Variants in PCDH9 observed in about 807,000 individuals in gnomAD.
PCDH9 encodes the protein protocadherin 9.
Under a neutral mutation model 70.6 loss-of-function variants are expected in PCDH9, and 24 were observed. The observed-to-expected ratio is 0.34, with a 90% CI of 0.25 to 0.48. The LOEUF is 0.48. PCDH9 is among the 20% of genes least tolerant of loss of function. The pLI is 0.99. For missense variants in PCDH9, 1,281 were observed against 1,503.6 expected (o/e 0.85, Z 2.45); for synonymous variants, 562 against 558.5 (o/e 1.01, Z -0.09).
intron 4 of PCDH9, among the ~76,000 whole-genome samples, chr13:66,544,605 A>T (rs543549945): frequency 2.0e-5 from 3 of 152,296 alleles, no homozygotes; most frequent in Admixed American, 2.0e-4. Flanking sequence ...ACCTATGGGC[A>T]GTAGACAACT....
chr13:66,344,229 G>A (rs557722848), intron 4 of PCDH9, among the ~76,000 whole-genome samples: 4 of 152,062 alleles, frequency 2.6e-5, no homozygotes, highest in Admixed American at 1.3e-4. Flanking sequence ...TGCAACCTCC[G>A]CCTCCCAGGT....
intron 4 of PCDH9, among the ~76,000 whole-genome samples, chr13:66,390,802 A>G (rs1286328767): frequency 6.6e-6 from 1 of 152,046 alleles, no homozygotes; most frequent in East Asian, 1.9e-4. Flanking sequence ...TGGCTATCAC[A>G]TGCTAGGAAA....
At chr13:66,425,099 A>C (rs1014778452) in intron 4 of PCDH9, among the ~76,000 whole-genome samples, 26 of 151,900 alleles carry the variant, frequency 1.7e-4, no homozygotes, top group Non-Finnish European at 2.4e-4. Context: ...AAATTATATT[A>C]TGTTCATCAT....
intron 3 of PCDH9, among the ~76,000 whole-genome samples, chr13:66,851,595 A>G (rs1459330773): frequency 1.3e-5 from 2 of 151,790 alleles, no homozygotes; most frequent in African/African-American, 4.8e-5. Context: ...ACACACACAC[A>G]CACACACACA....
intron 2 of PCDH9, chr13:67,204,810 C>G (rs1313508580): frequency 6.6e-6 from 1 of 152,118 alleles, no homozygotes; most frequent in Admixed American, 6.6e-5. Flanking sequence ...CAACACATCA[C>G]GTTAGGCCAC....
intron 2 of PCDH9, among the ~76,000 whole-genome samples, chr13:66,978,198 G>C (rs1362344188): frequency 6.6e-6 from 1 of 152,072 alleles, no homozygotes. Context: ...TGTTGTTGCT[G>C]TTATTGTTGC....
chr13:66,906,058 A>G (rs369020520), intron 2 of PCDH9, among the ~76,000 whole-genome samples: 1 of 152,178 alleles, frequency 6.6e-6, no homozygotes, highest in Non-Finnish European at 1.5e-5. Context: ...ATGGCATTTA[A>G]TATCTGTAAT....
At chr13:67,082,911 C>A in intron 2 of PCDH9, among the ~76,000 whole-genome samples, 1 of 152,054 alleles carries the variant, frequency 6.6e-6, no homozygotes. Context: ...GAAACTTTAT[C>A]TTTTCTGACA....
intron 2 of PCDH9, among the ~76,000 whole-genome samples, chr13:67,190,323 A>G (rs1030875532): frequency 6.6e-6 from 1 of 152,054 alleles, no homozygotes; most frequent in African/African-American, 2.4e-5. Flanking sequence ...AATTGTGAAC[A>G]GAATATCAAT....
At chr13:67,026,103 C>T (rs1180997945) in intron 2 of PCDH9, among the ~76,000 whole-genome samples, 1 of 152,068 alleles carries the variant, frequency 6.6e-6, no homozygotes, top group Non-Finnish European at 1.5e-5. Flanking sequence ...TTGAGATAAT[C>T]ATGTGGTTTT....
chr13:66,829,768 A>C (rs2080893627), intron 3 of PCDH9, among the ~76,000 whole-genome samples: 1 of 147,794 alleles, frequency 6.8e-6, no homozygotes, highest in Non-Finnish European at 1.5e-5. Context: ...ATATTGAAAA[A>C]CTATAGATTT....
chr13:66,628,608 C>T (rs991974140), intron 4 of PCDH9, among the ~76,000 whole-genome samples: 1 of 152,178 alleles, frequency 6.6e-6, no homozygotes, highest in African/African-American at 2.4e-5. Flanking sequence ...TCAAGTGAAC[C>T]TCTTGCCTTA....
chr13:66,350,723 G>A (rs761211584), intron 4 of PCDH9, among the ~76,000 whole-genome samples: 2 of 152,058 alleles, frequency 1.3e-5, no homozygotes, highest in Non-Finnish European at 2.9e-5. Context: ...TCCACTCCTA[G>A]CACCCTTGTC....
chr13:67,072,434 A>C (rs2085785680), intron 2 of PCDH9, among the ~76,000 whole-genome samples: 1 of 152,112 alleles, frequency 6.6e-6, no homozygotes, highest in African/African-American at 2.4e-5. Flanking sequence ...ACACTTCCGC[A>C]TGACTATCCT....
At chr13:67,096,724 T>G (rs906062387) in intron 2 of PCDH9, among the ~76,000 whole-genome samples, 1 of 152,194 alleles carries the variant, frequency 6.6e-6, no homozygotes, top group Non-Finnish European at 1.5e-5. Flanking sequence ...TTCTTTCTCT[T>G]TTCATAGTAA....
rs190909415 is a variant in PCDH9, at chr13:66,728,931, A to G, written c.3139-97520T>C. ...TTTTGCCAGATTTTTATTCTTTCAC[A>G]TAGTTTCTGTCCATGGTGTTTTTTT... On this transcript the variant is annotated intron_variant, in intron 3 of 4. Coordinates refer to ENST00000377865, the MANE Select transcript of PCDH9 (RefSeq NM_203487.3). Among the ~76,000 whole-genome samples the G allele has an allele frequency of 3.3e-5, 5 of 152,010 alleles. No individual in the cohort carries two copies. The East Asian group carries it at 9.7e-4, about 29-fold the overall frequency.
At chr13:67,198,001 A>G (rs1259962714) in intron 2 of PCDH9, among the ~76,000 whole-genome samples, 1 of 151,554 alleles carries the variant, frequency 6.6e-6, no homozygotes, top group African/African-American at 2.4e-5. Context: ...TGTTTTTGAT[A>G]TTTTAAAAAT....
At chr13:67,192,467 C>CCTTA (rs1272781193) in intron 2 of PCDH9, among the ~76,000 whole-genome samples, 1 of 152,054 alleles carries the variant, frequency 6.6e-6, no homozygotes, top group African/African-American at 2.4e-5. Context: ...ATATATATTG[C>CCTTA]CTTACATTAT....
intron 4 of PCDH9, among the ~76,000 whole-genome samples, chr13:66,423,742 GAAGCA>G (rs1191025512): frequency 1.3e-5 from 2 of 152,124 alleles, no homozygotes; most frequent in African/African-American, 4.8e-5. Flanking sequence ...GCAAAAGCTG[GAAGCA>G]TTCCCTTTGA....
Sources: allele counts gnomAD v4.1 joint callset (sites outside exome capture counted in the v4.1 genomes callset), GRCh38; gene constraint gnomAD v4.1.1; transcripts MANE v1.5; gene names NCBI Gene and HGNC (gene_info 2026-07-23, HGNC 2026-07-21).